The following ACAD9 variants were observed in gnomAD, a reference collection of about 807,000 sequenced individuals.
The protein encoded by ACAD9 is complex I assembly factor ACAD9, mitochondrial.
ACAD9 carries 53 observed loss-of-function variants against 70.2 expected under a neutral mutation model. The observed-to-expected ratio is 0.75, with a 90% CI of 0.61 to 0.95. ACAD9 has a LOEUF of 0.95. Ranked by LOEUF, ACAD9 falls within the 40% of genes least tolerant of loss-of-function variation. ACAD9 has a pLI of 0.00. For synonymous variants in ACAD9, 313 were observed against 312.1 expected, an observed-to-expected ratio of 1.00 and a Z score of -0.03; for missense variants, 777 against 802.8, an observed-to-expected ratio of 0.97 and a Z score of 0.39.
At chr3:128,886,927 T>C (rs1935268052) in intron 2 of ACAD9, among the ~76,000 whole-genome samples, 1 of 151,774 alleles carries the variant, frequency 6.6e-6, no homozygotes. Context: ...TCAGACATGC[T>C]TTTTGTTTGT....
At chr3:128,906,855 G>T (rs1026778831) in intron 12 of ACAD9, among the ~76,000 whole-genome samples, 1 of 152,166 alleles carries the variant, frequency 6.6e-6, no homozygotes, top group Non-Finnish European at 1.5e-5. Flanking sequence ...TAGCCAGACT[G>T]TGGAGGACCT....
chr3:128,908,284 T>C lies in ACAD9; in HGVS notation c.1358+20T>C. ...GATCCAGTAGGTGCCATTGTCACCGTGTGCTTCTCAGGTCCCATACCTGCC... is the reference window on the plus strand; with the variant it reads ...GATCCAGTAGGTGCCATTGTCACCGCGTGCTTCTCAGGTCCCATACCTGCC... On this transcript the variant is annotated intron_variant, in intron 13 of 17. Coordinates refer to ENST00000308982, the MANE Select transcript of ACAD9 (RefSeq NM_014049.5). The C allele has an allele frequency of 6.2e-7, 1 of 1,613,942 alleles. No individual in the cohort carries two copies. Among genetic ancestry groups the C allele is most frequent in the Non-Finnish European group, 8.5e-7 (1 of 1,179,912 alleles).
At chr3:128,911,438 TTC>T (rs552234446) in intron 17 of ACAD9, among the ~76,000 whole-genome samples, 31 of 152,134 alleles carry the variant, frequency 2.0e-4, no homozygotes, top group South Asian at 1.5e-3. Context: ...CCTGGCTGTA[TTC>T]TCTTTTTTTT....
intron 2 of ACAD9, among the ~76,000 whole-genome samples, chr3:128,885,519 G>A (rs1170935771): frequency 6.6e-6 from 1 of 152,138 alleles, no homozygotes; most frequent in African/African-American, 2.4e-5. Context: ...AGCCTCCTGA[G>A]TTGCTGGAAC....
At chr3:128,889,760 A>C (rs754004688) in intron 2 of ACAD9, among the ~76,000 whole-genome samples, 2 of 152,212 alleles carry the variant, frequency 1.3e-5, no homozygotes, top group Non-Finnish European at 2.9e-5. Context: ...ATTCATCAAC[A>C]TAGGGTATGT....
chr3:128,897,662 A>T lies in ACAD9; in HGVS notation c.585A>T (p.Arg195Ser). 6.2e-7 allele frequency: 1 copy of T among 1,613,934 alleles called. No individual in the cohort carries two copies. Among genetic ancestry groups the T allele is most frequent in the Non-Finnish European group, 8.5e-7 (1 of 1,179,902 alleles). The change falls in exon 6 of 18, where the codon AGA becomes AGT. Residue 195 changes from arginine (R) to serine (S), a missense_variant. Physicochemically the swap from Arg to Ser is moderately radical, Grantham distance 110. Transcript: ENST00000308982. ...GCGATGCAGCCTCAATCCGGAGCAG[A>T]GCCACACTAAGTGAAGACAAGAAGC... Reference protein sequence around the residue: ...SGSDAASIRSRATLSEDKKHY... With the variant: ...SGSDAASIRSSATLSEDKKHY...
chr3:128,896,848 TG>T (rs2107651644), intron 5 of ACAD9, among the ~76,000 whole-genome samples: 1 of 152,240 alleles, frequency 6.6e-6, no homozygotes, highest in African/African-American at 2.4e-5. Flanking sequence ...ATATATAGCG[TG>T]GGTGGTACTG....
chr3:128,886,152 G>T (rs1935238829), intron 2 of ACAD9, among the ~76,000 whole-genome samples: 1 of 151,190 alleles, frequency 6.6e-6, no homozygotes, highest in Non-Finnish European at 1.5e-5. Flanking sequence ...ACCCAGGCTG[G>T]AGTGCAGTGG....
intron 11 of ACAD9, among the ~76,000 whole-genome samples, chr3:128,905,218 A>C (rs1012905633): frequency 6.6e-6 from 1 of 152,244 alleles, no homozygotes; most frequent in East Asian, 1.9e-4. Flanking sequence ...TCTACAAAAA[A>C]TACAAAAATT....
At position 128,912,602 on chromosome 3, in the gene ACAD9, T is replaced by C. The variant is rs1936462187; in HGVS notation, c.1861T>C (p.Cys621Arg). 2 of 1,614,042 alleles carry C rather than the reference T, an allele frequency of 1.2e-6. No homozygotes were observed. Among genetic ancestry groups the C allele is most frequent in the South Asian group, 2.2e-5 (2 of 91,070 alleles). The change falls in exon 18 of 18, where the codon TGC (cysteine) becomes CGC (arginine). Residue 621 changes from cysteine to arginine, a missense_variant. Transcript: ENST00000308982. ...CTGTGCCCACCCTCTGGACAGGACA[T>C]GCTGAGGCAGGGGACAGTGTCCCCT... ...YICAHPLDRT[C>R]
intron 12 of ACAD9, 38 bp from the exon 13 acceptor site, chr3:128,908,147 C>T (rs904442038): frequency 2.5e-6 from 4 of 1,602,184 alleles, no homozygotes; most frequent in East Asian, 2.2e-5. Flanking sequence ...GCTGCCTGGC[C>T]GGGGGGCAGC....
At chr3:128,893,776 G>A in intron 3 of ACAD9, 120 bp downstream of exon 3, 1 of 842,310 alleles carries the variant, frequency 1.2e-6, no homozygotes, top group Non-Finnish European at 2.0e-6. Flanking sequence ...ACTTGGTAGG[G>A]GTGGACTGAC....
At chr3:128,911,497 G>T (rs1420707971) in intron 17 of ACAD9, among the ~76,000 whole-genome samples, 1 of 152,172 alleles carries the variant, frequency 6.6e-6, no homozygotes, top group Non-Finnish European at 1.5e-5. Context: ...GAGTGCAGTG[G>T]CATGATCTTG....
intron 7 of ACAD9, 65 bp downstream of exon 7, chr3:128,899,526 GTGT>G: frequency 1.5e-5 from 12 of 815,342 alleles, no homozygotes; most frequent in African/African-American, 6.6e-5. Flanking sequence ...CTTTGACGGT[GTGT>G]GTGTGTGTGT....
intron 2 of ACAD9, among the ~76,000 whole-genome samples, chr3:128,890,794 C>G (rs1488824885): frequency 6.6e-6 from 1 of 151,852 alleles, no homozygotes; most frequent in African/African-American, 2.4e-5. Context: ...TTTTCAATGT[C>G]TGCAAAAAGG....
Position 128,909,076 on chromosome 3 carries a change from G to A in ACAD9, c.1462G>A (p.Gly488Arg), listed in dbSNP as rs781043714. Residue 488 changes from glycine (G) to arginine (R), a missense_variant, in exon 14 of 18, where the codon GGA becomes AGA. By Grantham distance (125) the Gly-to-Arg change is moderately radical (BLOSUM62 -2). Transcript: ENST00000308982. ...TVDLGLTGNH[G>R]VVHPSLADSA... is the part of the protein sequence containing the mutation. The stretch of plus-strand genomic sequence containing the variant: ...GGACCTGGGGCTGACAGGCAACCAT[G>A]GAGTTGTGCACCCCAGTCTTGCGGT... The A allele has an allele frequency of 1.9e-6, 3 of 1,614,082 alleles. No homozygotes were observed. Among genetic ancestry groups the A allele is most frequent in the Non-Finnish European group, 2.5e-6 (3 of 1,180,018 alleles).
rs762968752 is a variant in ACAD9, at chr3:128,904,627, T to C, written c.1149+122T>C. 2.0e-5 allele frequency: 30 copies of C among 1,481,242 alleles called. No individual in the cohort carries two copies. In the Admixed American group the frequency reaches 4.0e-4, roughly 20 times the overall value. 91.8% of individuals were successfully genotyped at this position (1,481,242 alleles called of 1,614,324 possible). ...CCTCCTGTCATTGATCCAGTATTTA[T>C]GATGCACTTGCCCTGTGTAGCACTC... is the stretch of plus-strand genomic sequence containing the variant. On this transcript the variant is annotated intron_variant, in intron 11 of 17. Coordinates refer to ENST00000308982, the MANE Select transcript of ACAD9 (RefSeq NM_014049.5).
intron 1 of ACAD9, among the ~76,000 whole-genome samples, chr3:128,884,251 T>C (rs182304194): frequency 2.6e-5 from 4 of 152,178 alleles, no homozygotes; most frequent in African/African-American, 9.7e-5. Flanking sequence ...CTGCATGTTA[T>C]GGGTGAGAAA....
intron 4 of ACAD9, 58 bp from the exon 5 acceptor site, chr3:128,896,378 C>A: frequency 1.3e-6 from 2 of 1,518,390 alleles, no homozygotes; most frequent in Non-Finnish European, 1.8e-6. Context: ...GTTTCACAAA[C>A]ACCTCATGCT....
Sources: gnomAD v4.1 joint callset for allele counts (sites outside exome capture counted in the v4.1 genomes callset) on GRCh38, gnomAD v4.1.1 for gene constraint, MANE v1.5 for transcripts, NCBI Gene and HGNC (gene_info 2026-07-23, HGNC 2026-07-21) for gene names.